ERBB4: variants seen among roughly 807,000 people sequenced by gnomAD.
The protein encoded by ERBB4 is erb-b2 receptor tyrosine kinase 4, also known as receptor tyrosine-protein kinase erbB-4.
A neutral mutation model predicts 158.0 loss-of-function variants in ERBB4; 42 were observed. The ratio of observed to expected loss-of-function variants is 0.27; its 90% CI spans 0.21 to 0.34. The LOEUF is 0.34. Among genes scored for constraint, ERBB4 ranks in the 10% least tolerant of loss-of-function variants. The pLI, the probability that ERBB4 is intolerant of heterozygous loss-of-function variation, is 1.00. For synonymous variants in ERBB4, 583 were observed against 558.7 expected (o/e 1.04, Z -0.61); for missense variants, 1,333 against 1,624.1 (o/e 0.82, Z 3.08).
At chr2:212,352,658 AGGAGCTC>A (rs1322975018) in intron 1 of ERBB4, among the ~76,000 whole-genome samples, 1 of 152,082 alleles carries the variant, frequency 6.6e-6, no homozygotes, top group African/African-American at 2.4e-5. Flanking sequence ...ACAGGAGGTC[AGGAGCTC>A]GACACCAACC....
At chr2:212,528,253 A>G (rs1485473850) in intron 1 of ERBB4, among the ~76,000 whole-genome samples, 2 of 152,056 alleles carry the variant, frequency 1.3e-5, no homozygotes, top group Non-Finnish European at 2.9e-5. Flanking sequence ...GAGTGGAGAA[A>G]CCATGCCTTT....
At chr2:211,478,077 C>T (rs1183198038) in intron 20 of ERBB4, among the ~76,000 whole-genome samples, 1 of 152,124 alleles carries the variant, frequency 6.6e-6, no homozygotes, top group East Asian at 1.9e-4. Context: ...GATCTGCTGT[C>T]CAGTTTCTGC....
intron 24 of ERBB4, among the ~76,000 whole-genome samples, chr2:211,421,500 T>C (rs2063513945): frequency 6.6e-6 from 1 of 151,936 alleles, no homozygotes; most frequent in South Asian, 2.1e-4. Flanking sequence ...AAAATGTGCA[T>C]CAATTCATTT....
chr2:211,575,690 A>C (rs1000859964), intron 19 of ERBB4, among the ~76,000 whole-genome samples: 3 of 152,184 alleles, frequency 2.0e-5, no homozygotes, highest in Non-Finnish European at 2.9e-5. Context: ...ACTTAATAAC[A>C]AGCAACTCGA....
At chr2:211,692,448 A>G (rs116507237) in intron 12 of ERBB4, among the ~76,000 whole-genome samples, 1 of 152,124 alleles carries the variant, frequency 6.6e-6, no homozygotes, top group South Asian at 2.1e-4. Context: ...GCTTAAAAAC[A>G]CCTACATTTA....
intron 2 of ERBB4, among the ~76,000 whole-genome samples, chr2:212,028,194 A>G (rs559148643): frequency 1.4e-4 from 21 of 152,202 alleles, no homozygotes; most frequent in African/African-American, 4.6e-4. Flanking sequence ...GAAAAGTACA[A>G]TCATGTGACA....
intron 5 of ERBB4, among the ~76,000 whole-genome samples, chr2:211,742,848 C>T (rs920082017): frequency 1.3e-5 from 2 of 151,532 alleles, no homozygotes; most frequent in African/African-American, 4.8e-5. Flanking sequence ...CAGTGCTTAT[C>T]TTTATTTTAC....
chr2:211,921,413 A>G (rs147573181), intron 3 of ERBB4, among the ~76,000 whole-genome samples: 7,277 of 152,096 alleles, frequency 0.048, 239 homozygotes, highest in Middle Eastern at 0.099. Context: ...AGCTTAAAAA[A>G]AATAGGAAGG....
At chr2:211,840,626 A>C (rs2077449823) in intron 3 of ERBB4, among the ~76,000 whole-genome samples, 1 of 152,142 alleles carries the variant, frequency 6.6e-6, no homozygotes. Context: ...AAACAGCACA[A>C]GAATGGCTAA....
In ERBB4 at chr2:211,773,629, TA is replaced by T. The variant is rs1330871692; in HGVS notation, c.556+14395del. Among the ~76,000 whole-genome samples, 467 of 51,050 alleles carry T rather than the reference TA, an allele frequency of 9.1e-3. 14 individuals carry two copies. The highest frequency in any genetic ancestry group is 0.034 in the African/African-American group (328 of 9,590). The allele number at this position is 51,050 out of a possible 152,430, so 33.5% of individuals were successfully genotyped here. On this transcript the variant is annotated intron_variant, in intron 4 of 27. Transcript: ENST00000342788. ...ATATATATATATATATATATATATA[TA>T]TATATATATATATATATAATATATA...
chr2:212,144,827 A>T (rs1028805585), intron 1 of ERBB4, among the ~76,000 whole-genome samples: 1 of 152,192 alleles, frequency 6.6e-6, no homozygotes, highest in South Asian at 2.1e-4. Flanking sequence ...GCTTACTGTA[A>T]CCCAGCTGAG....
At chr2:211,657,431 C>G (rs2071257989) in intron 16 of ERBB4, among the ~76,000 whole-genome samples, 2 of 151,812 alleles carry the variant, frequency 1.3e-5, no homozygotes, top group Admixed American at 1.3e-4. Flanking sequence ...ATCACTTGAA[C>G]CCAGGAGGTG....
chr2:212,403,810 T>C (rs1440522423), intron 1 of ERBB4, among the ~76,000 whole-genome samples: 1 of 152,074 alleles, frequency 6.6e-6, no homozygotes, highest in Non-Finnish European at 1.5e-5. Context: ...TTAATAATAA[T>C]GTATTATGCA....
At chr2:211,682,514 A>G (rs920532717) in intron 12 of ERBB4, among the ~76,000 whole-genome samples, 1 of 152,162 alleles carries the variant, frequency 6.6e-6, no homozygotes, top group African/African-American at 2.4e-5. Context: ...TATCTGGTCA[A>G]CCCACTCCCC....
chr2:212,356,277 T>C (rs902215567), intron 1 of ERBB4, among the ~76,000 whole-genome samples: 1 of 151,658 alleles, frequency 6.6e-6, no homozygotes, highest in Non-Finnish European at 1.5e-5. Context: ...AAATTACAAA[T>C]ATGTTTTCAC....
At chr2:212,104,930 A>G (rs1187373412) in intron 2 of ERBB4, among the ~76,000 whole-genome samples, 3 of 152,148 alleles carry the variant, frequency 2.0e-5, no homozygotes, top group Non-Finnish European at 2.9e-5. Flanking sequence ...CTTATCCTAA[A>G]CAAGAAACTG....
intron 1 of ERBB4, among the ~76,000 whole-genome samples, chr2:212,324,581 A>C (rs952981717): frequency 1.3e-5 from 2 of 149,924 alleles, no homozygotes; most frequent in African/African-American, 4.9e-5. Context: ...TCGGTGAATA[A>C]TAGAATGTGA....
intron 20 of ERBB4, among the ~76,000 whole-genome samples, chr2:211,552,649 A>T (rs1168170880): frequency 6.6e-6 from 1 of 152,184 alleles, no homozygotes; most frequent in Admixed American, 6.5e-5. Flanking sequence ...TAAATAGGCC[A>T]GCAAAGCTCT....
intron 20 of ERBB4, among the ~76,000 whole-genome samples, chr2:211,483,019 T>C (rs922576631): frequency 6.6e-6 from 1 of 152,122 alleles, no homozygotes; most frequent in Non-Finnish European, 1.5e-5. Context: ...ATATTTCATA[T>C]GTTTAAGAAG....
Sources: allele counts gnomAD v4.1 joint callset (sites outside exome capture counted in the v4.1 genomes callset), GRCh38; gene constraint gnomAD v4.1.1; transcripts MANE v1.5; gene names NCBI Gene and HGNC (gene_info 2026-07-23, HGNC 2026-07-21).